FBXO30: variants seen among roughly 807,000 people sequenced by gnomAD.
The protein encoded by FBXO30 is F-box protein 30, also known as F-box only protein 30.
A neutral mutation model predicts 58.1 loss-of-function variants in FBXO30; 21 were observed. That is an observed-to-expected ratio of 0.36 (90% confidence interval 0.26 to 0.52). The LOEUF is 0.52. Ranked by LOEUF, FBXO30 falls within the 20% of genes least tolerant of loss-of-function variation. The probability of loss-of-function intolerance (pLI) is 0.93; values close to 1 mark genes in which losing one functional copy is unlikely to be tolerated. For synonymous variants in FBXO30, 309 were observed against 312.4 expected (o/e 0.99, Z 0.11); for missense variants, 744 against 897.3 (o/e 0.83, Z 2.18).
At chr6:145,806,608 A>G (rs1778177141) in intron 1 of FBXO30, among the ~76,000 whole-genome samples, 187 bp from the exon 2 acceptor site, 1 of 152,236 alleles carries the variant, frequency 6.6e-6, no homozygotes, top group South Asian at 2.1e-4. Flanking sequence ...GTAAGCACTT[A>G]CATTCTAGTA....
Position 145,796,028 on chromosome 6 carries a change from A to G in FBXO30, c.*4078T>C, listed in dbSNP as rs766676789. The G allele has an allele frequency of 1.3e-4, 20 of 151,954 alleles. No individual in the cohort carries two copies. The highest frequency in any genetic ancestry group is 2.8e-4 in the Non-Finnish European group (19 of 67,880). The allele number at this position is 151,954 out of a possible 1,614,324, so 9.4% of individuals were successfully genotyped here. Reference sequence around the variant, plus strand: ...TAGGCAACATTTTCCAAATTTCCTTACATCTAAACATCTCTTTTCTTCCTG... The same window carrying G: ...TAGGCAACATTTTCCAAATTTCCTTGCATCTAAACATCTCTTTTCTTCCTG... On this transcript the variant is annotated 3_prime_UTR_variant, in exon 3 of 3. Coordinates refer to ENST00000237281, the MANE Select transcript of FBXO30 (RefSeq NM_032145.5).
intron 2 of FBXO30, among the ~76,000 whole-genome samples, 197 bp downstream of exon 2, chr6:145,804,175 A>T (rs1778091263): frequency 6.6e-6 from 1 of 152,180 alleles, no homozygotes; most frequent in South Asian, 2.1e-4. Context: ...AATCAGTAGT[A>T]AACCTACAAT....
rs2128664233 is a variant in FBXO30 at position 145,798,853 on chromosome 6, A to C, written c.*1253T>G. 1 of 152,192 alleles carries C rather than the reference A, an allele frequency of 6.6e-6. No homozygotes were observed. The highest frequency in any genetic ancestry group is 1.9e-4 in the East Asian group (1 of 5,186). 9.4% of individuals were successfully genotyped at this position (152,192 alleles called of 1,614,324 possible). A position where few individuals can be genotyped will look rare whatever the true frequency, so the allele number is the denominator to read the frequency against. ...AACAAGTAATCTGTCACCATTTCAG[A>C]CTACCAAATGCTAATTTACTTAAGA... is the stretch of plus-strand genomic sequence containing the variant. On this transcript the variant is annotated 3_prime_UTR_variant, in exon 3 of 3. Transcript: ENST00000237281.
At chr6:145,806,605 C>T (rs1281647532) in intron 1 of FBXO30, among the ~76,000 whole-genome samples, 184 bp from the exon 2 acceptor site, 1 of 152,140 alleles carries the variant, frequency 6.6e-6, no homozygotes, top group Non-Finnish European at 1.5e-5. Flanking sequence ...GATGTAAGCA[C>T]TTACATTCTA....
In FBXO30 at chr6:145,795,908, CAA is replaced by C. The variant is rs1777859381; in HGVS notation, c.*4196_*4197del. 1 of 151,892 alleles carries C rather than the reference CAA, an allele frequency of 6.6e-6. No homozygotes were observed. The allele number at this position is 151,892 out of a possible 1,614,324, so 9.4% of individuals were successfully genotyped here. A position where few individuals can be genotyped will look rare whatever the true frequency, so the allele number is the denominator to read the frequency against. Reference sequence around the variant, plus strand: ...AATTCAGCAAGAGGCCCTCATTTCGCAAAGATTTTCAGAGCAACATATCACAC... The same window carrying C: ...AATTCAGCAAGAGGCCCTCATTTCGCAGATTTTCAGAGCAACATATCACAC... On this transcript the variant is annotated 3_prime_UTR_variant, in exon 3 of 3. Transcript: ENST00000237281.
chr6:145,798,995 A>C lies in FBXO30; in HGVS notation c.*1111T>G, dbSNP rs1777921334. 1 of 152,010 alleles carries C rather than the reference A, an allele frequency of 6.6e-6. No individual in the cohort carries two copies. Among genetic ancestry groups the C allele is most frequent in the Non-Finnish European group, 1.5e-5 (1 of 67,958 alleles). The allele number at this position is 152,010 out of a possible 1,614,324, so 9.4% of individuals were successfully genotyped here. On this transcript the variant is annotated 3_prime_UTR_variant, in exon 3 of 3. Coordinates refer to ENST00000237281, the MANE Select transcript of FBXO30 (RefSeq NM_032145.5). ...GGTATAAATCAATTTGAAAACTATA[A>C]TAAACTACTTCAAGAATAGGTATAT...
intron 1 of FBXO30, 114 bp downstream of exon 1, chr6:145,814,489 C>A (rs1219638235): frequency 6.6e-6 from 1 of 151,880 alleles, no homozygotes; most frequent in East Asian, 1.9e-4. Context: ...ACCCCACGGC[C>A]GCCAGCGCCA....
At position 145,805,470 on chromosome 6, in the gene FBXO30, T is replaced by C. The variant is rs41285849; in HGVS notation, c.936A>G (p.Leu312=). The change falls in exon 2 of 3, where the codon TTA becomes TTG. Residue 312 remains leucine, a synonymous_variant. Coordinates refer to ENST00000237281, the MANE Select transcript of FBXO30 (RefSeq NM_032145.5). ...ATGATGCCACACAGTCTCCATTTGT[T>C]AAGTTACTTTGTTTTGAATCACCAT... ...NLHGDSKQSN[L]TNGDCVASSD... is the part of the protein sequence containing the mutation. 4.7e-3 allele frequency: 7,643 copies of C among 1,609,314 alleles called. 37 individuals carry two copies. The highest frequency in any genetic ancestry group is 5.6e-3 in the Non-Finnish European group (6,592 of 1,177,248).
At chr6:145,802,201 A>T (rs1468721571) in intron 2 of FBXO30, among the ~76,000 whole-genome samples, 1 of 152,142 alleles carries the variant, frequency 6.6e-6, no homozygotes, top group East Asian at 1.9e-4. Flanking sequence ...CAGTGCAACA[A>T]CTTGTCAGGT....
In FBXO30 at chr6:145,805,426, G is replaced by A; in HGVS notation, c.980C>T (p.Pro327Leu). The A allele has an allele frequency of 1.2e-6, 2 of 1,613,844 alleles. No individual in the cohort carries two copies. The highest frequency in any genetic ancestry group is 1.7e-5 in the Admixed American group (1 of 59,916). The change falls in exon 2 of 3, where the codon CCT becomes CTT. Residue 327 changes from proline (P) to leucine (L), a missense_variant. By Grantham distance (98) the Pro-to-Leu change is moderately conservative (BLOSUM62 -3). This residue lies in a region of FBXO30 where 275 missense variants were observed against 262.0 expected (regional missense o/e 1.05). Coordinates refer to ENST00000237281, the MANE Select transcript of FBXO30 (RefSeq NM_032145.5). ...TGCTGCCACCGCAAGTGAGCTGGAAGGTTTTGAAGTGCCATCTGATGATGC... is the reference window on the plus strand; with the variant it reads ...TGCTGCCACCGCAAGTGAGCTGGAAAGTTTTGAAGTGCCATCTGATGATGC... ...CVASSDGTSK[P>L]SSSLAVAAQL...
chr6:145,809,030 AG>A (rs59819748), intron 1 of FBXO30, among the ~76,000 whole-genome samples: 54,284 of 151,952 alleles, frequency 0.36, 10,309 homozygotes, highest in South Asian at 0.48. Context: ...ATGATGTCAA[AG>A]AAAAGACAAG....
At position 145,804,512 on chromosome 6, in the gene FBXO30, T is replaced by G; in HGVS notation, c.1894A>C (p.Ser632Arg). Residue 632 changes from serine (S) to arginine (R), a missense_variant, in exon 2 of 3, where the codon AGC (serine) becomes CGC (arginine). This residue lies in a region of FBXO30 where 334 missense variants were observed against 433.7 expected (regional missense o/e 0.77). Transcript: ENST00000237281. ...GATACACATGAGAGCTGACATAAGCTGAAGCCATCGAGAAAGCCTGCAATA... is the reference window on the plus strand; with the variant it reads ...GATACACATGAGAGCTGACATAAGCGGAAGCCATCGAGAAAGCCTGCAATA... ...QHIAGFLDGFSLCQLSCVSKL... is the reference protein window; with the variant it reads ...QHIAGFLDGFRLCQLSCVSKL... The G allele has an allele frequency of 6.2e-7, 1 of 1,613,746 alleles. No individual in the cohort carries two copies.
At chr6:145,800,392 T>C (rs1216119900) in intron 2 of FBXO30, 83 bp from the exon 3 acceptor site, 1 of 1,081,006 alleles carries the variant, frequency 9.3e-7, no homozygotes, top group Non-Finnish European at 1.4e-6. Context: ...TGCATACATT[T>C]CTGCTATTAT....
rs984052946 is a variant in FBXO30, at chr6:145,797,136, G to T, written c.*2970C>A. The T allele has an allele frequency of 6.6e-6, 1 of 151,792 alleles. No homozygotes were observed. Among genetic ancestry groups the T allele is most frequent in the Admixed American group, 6.6e-5 (1 of 15,208 alleles). The allele number at this position is 151,792 out of a possible 1,614,324, so 9.4% of individuals were successfully genotyped here. On this transcript the variant is annotated 3_prime_UTR_variant, in exon 3 of 3. Transcript: ENST00000237281. ...ACTAAACAAGAGAATGAGATGACTA[G>T]GCTAAATGTTACTGCTAATGAACTA... is the stretch of plus-strand genomic sequence containing the variant.
rs1777859594 is a variant in FBXO30 at position 145,795,924 on chromosome 6, A to C, written c.*4182T>G. On this transcript the variant is annotated 3_prime_UTR_variant, in exon 3 of 3. Transcript: ENST00000237281. ...CTCATTTCGCAAAGATTTTCAGAGC[A>C]ACATATCACACTTGGTTAGTTAGTT... The C allele has an allele frequency of 6.6e-6, 1 of 151,960 alleles. No individual in the cohort carries two copies. Among genetic ancestry groups the C allele is most frequent in the Admixed American group, 6.6e-5 (1 of 15,250 alleles). 9.4% of individuals were successfully genotyped at this position (151,960 alleles called of 1,614,324 possible).
intron 2 of FBXO30, 123 bp downstream of exon 2, chr6:145,804,249 C>T (rs1173009990): frequency 1.2e-6 from 1 of 813,076 alleles, no homozygotes; most frequent in Non-Finnish European, 1.9e-6. Context: ...AGTCTGTCAT[C>T]ACACTGATTT....
rs751783937 is a variant in FBXO30, at chr6:145,806,413, A to G, written c.-8T>C. On this transcript the variant is annotated 5_prime_UTR_variant, in exon 2 of 3. Coordinates refer to ENST00000237281, the MANE Select transcript of FBXO30 (RefSeq NM_032145.5). ...CTGCAGCTCCTCCTCCATAATGGCC[A>G]GTCCAGCTCTGGTTGATGAAATGGA... 1 of 1,607,158 alleles carries G rather than the reference A, an allele frequency of 6.2e-7. No individual in the cohort carries two copies. The highest frequency in any genetic ancestry group is 1.1e-5 in the South Asian group (1 of 89,398).
rs780196835 is a variant in FBXO30, at chr6:145,796,604, C to T, written c.*3502G>A. ...AACTCTGCAAGCTCCAATCACATCACCAATGTGGCATGTCATGCATGAAAC... is the reference window on the plus strand; with the variant it reads ...AACTCTGCAAGCTCCAATCACATCATCAATGTGGCATGTCATGCATGAAAC... On this transcript the variant is annotated 3_prime_UTR_variant, in exon 3 of 3. Coordinates refer to ENST00000237281, the MANE Select transcript of FBXO30 (RefSeq NM_032145.5). 1.3e-5 allele frequency: 2 copies of T among 152,012 alleles called. No individual in the cohort carries two copies. Among genetic ancestry groups the T allele is most frequent in the Non-Finnish European group, 2.9e-5 (2 of 67,922 alleles). The allele number at this position is 152,012 out of a possible 1,614,324, so 9.4% of individuals were successfully genotyped here.
Position 145,795,897 on chromosome 6 carries a change from C to T in FBXO30, c.*4209G>A, listed in dbSNP as rs188607936. On this transcript the variant is annotated 3_prime_UTR_variant, in exon 3 of 3. Coordinates refer to ENST00000237281, the MANE Select transcript of FBXO30 (RefSeq NM_032145.5). Reference sequence around the variant, plus strand: ...CCTACTTGTAAAATTCAGCAAGAGGCCCTCATTTCGCAAAGATTTTCAGAG... The same window carrying T: ...CCTACTTGTAAAATTCAGCAAGAGGTCCTCATTTCGCAAAGATTTTCAGAG... 5.3e-5 allele frequency: 8 copies of T among 151,892 alleles called. No individual in the cohort carries two copies. The East Asian group carries it at 1.5e-3, about 29-fold the overall frequency. 9.4% of individuals were successfully genotyped at this position (151,892 alleles called of 1,614,324 possible).
Sources: allele counts gnomAD v4.1 joint callset (sites outside exome capture counted in the v4.1 genomes callset), GRCh38; gene constraint gnomAD v4.1.1; regional missense constraint gnomAD v4.1.1; transcripts MANE v1.5; gene names NCBI Gene and HGNC (gene_info 2026-07-23, HGNC 2026-07-21).